The following DHRS4 variants were observed in gnomAD, a reference collection of about 807,000 sequenced individuals.
DHRS4 encodes the protein dehydrogenase/reductase 4, also known as dehydrogenase/reductase SDR family member 4.
DHRS4 carries 20 observed loss-of-function variants against 28.4 expected under a neutral mutation model. That is an observed-to-expected ratio of 0.71 (90% confidence interval 0.50 to 1.02). The LOEUF (loss-of-function observed/expected upper bound fraction) is 1.02, where lower values mean the gene tolerates loss of function less well. Ranked by LOEUF, DHRS4 falls within the 50% of genes least tolerant of loss-of-function variation. DHRS4 has a pLI of 0.00. For synonymous variants in DHRS4, 144 were observed against 146.4 expected (o/e 0.98, Z 0.12); for missense variants, 378 against 367.2 (o/e 1.03, Z -0.24).
intron 2 of DHRS4, among the ~76,000 whole-genome samples, chr14:23,957,412 T>G (rs1435579698): frequency 6.6e-6 from 1 of 151,948 alleles, no homozygotes; most frequent in Non-Finnish European, 1.5e-5. Flanking sequence ...CTCACTGGTG[T>G]TGTAAGTGGA....
intron 2 of DHRS4, among the ~76,000 whole-genome samples, chr14:23,956,751 C>A (rs535751039): frequency 1.4e-4 from 21 of 152,146 alleles, no homozygotes; most frequent in Middle Eastern, 3.4e-3. Flanking sequence ...TTACAGGCAT[C>A]CACCACCACG....
chr14:23,956,621 T>TTA (rs2033174861), intron 2 of DHRS4, among the ~76,000 whole-genome samples: 1 of 148,612 alleles, frequency 6.7e-6, no homozygotes, highest in African/African-American at 2.5e-5. Context: ...TTTTTTTTTT[T>TTA]GAGACAGAGT....
At position 23,955,132 on chromosome 14, in the gene DHRS4, C is replaced by G; in HGVS notation, c.226C>G (p.Leu76Val). Residue 76 changes from leucine (L) to valine (V), a missense_variant, in exon 2 of 8, where the codon CTG becomes GTG. Physicochemically the swap from Leu to Val is conservative, Grantham distance 32. Coordinates refer to ENST00000313250, the MANE Select transcript of DHRS4 (RefSeq NM_021004.4). ...QQNVDQAVAT[L>V]QGEGLSVTGT... ...GAATGTGGACCAGGCGGTGGCCACGCTGCAGGGGGAGGGGCTGAGCGTGAC... is the reference window on the plus strand; with the variant it reads ...GAATGTGGACCAGGCGGTGGCCACGGTGCAGGGGGAGGGGCTGAGCGTGAC... 6.2e-7 allele frequency: 1 copy of G among 1,613,996 alleles called. No individual in the cohort carries two copies. The highest frequency in any genetic ancestry group is 8.5e-7 in the Non-Finnish European group (1 of 1,179,898).
intron 3 of DHRS4, among the ~76,000 whole-genome samples, chr14:23,964,396 C>T (rs2033542134): frequency 1.4e-5 from 2 of 147,330 alleles, no homozygotes; most frequent in Non-Finnish European, 3.0e-5. Flanking sequence ...AACACACACA[C>T]ACATTTGGGG....
rs774730946 is a variant in DHRS4 at position 23,968,834 on chromosome 14, C to G, written c.800C>G (p.Thr267Arg). Reference sequence around the variant, plus strand: ...GATGCCAGCTACATCACTGGGGAAACAGTGGTGGTGGGTGGAGGAACCCCG... The same window carrying G: ...GATGCCAGCTACATCACTGGGGAAAGAGTGGTGGTGGGTGGAGGAACCCCG... ...SEDASYITGE[T>R]VVVGGGTPSR... is the part of the protein sequence containing the mutation. Residue 267 changes from threonine to arginine, a missense_variant, in exon 8 of 8, where the codon ACA becomes AGA. Physicochemically the swap from Thr to Arg is moderately conservative, Grantham distance 71 (BLOSUM62 -1). Transcript: ENST00000313250. 4 of 1,610,582 alleles carry G rather than the reference C, an allele frequency of 2.5e-6. No individual in the cohort carries two copies. Among genetic ancestry groups the G allele is most frequent in the Non-Finnish European group, 3.4e-6 (4 of 1,178,506 alleles).
intron 2 of DHRS4, 98 bp downstream of exon 2, chr14:23,955,310 G>A: frequency 6.8e-7 from 1 of 1,465,084 alleles, no homozygotes; most frequent in Non-Finnish European, 9.1e-7. Context: ...CATTTTTACT[G>A]TGTGCCTTTC....
In DHRS4 at chr14:23,968,926, C is replaced by T; in HGVS notation, c.*55C>T. 1.9e-6 allele frequency: 3 copies of T among 1,603,458 alleles called. No homozygotes were observed. The highest frequency in any genetic ancestry group is 2.6e-6 in the Non-Finnish European group (3 of 1,174,898). ...TGGGCTCTAGCTCCTGGTGCTGTTC[C>T]CGCATTCACCCACTGGCCTTTCCCA... On this transcript the variant is annotated 3_prime_UTR_variant, in exon 8 of 8. Transcript: ENST00000313250.
chr14:23,964,364 G>C (rs1189243863), intron 3 of DHRS4, among the ~76,000 whole-genome samples: 7 of 146,926 alleles, frequency 4.8e-5, no homozygotes, highest in African/African-American at 1.5e-4. Flanking sequence ...GCTGATCCTT[G>C]ATTGAACTCT....
intron 3 of DHRS4, among the ~76,000 whole-genome samples, chr14:23,964,211 T>G (rs2033522438): frequency 1.6e-5 from 1 of 62,684 alleles, no homozygotes; most frequent in Admixed American, 2.4e-4. Flanking sequence ...GCCACGAAAC[T>G]GCAATTTGTA....
chr14:23,960,305 CAG>C (rs2033365391), intron 3 of DHRS4, among the ~76,000 whole-genome samples: 1 of 152,070 alleles, frequency 6.6e-6, no homozygotes, highest in African/African-American at 2.4e-5. Flanking sequence ...TGATTTCCAA[CAG>C]AGACGTAGGC....
At chr14:23,956,453 G>A (rs114156090) in intron 2 of DHRS4, among the ~76,000 whole-genome samples, 2,243 of 152,274 alleles carry the variant, frequency 0.015, 66 homozygotes, top group African/African-American at 0.052. Flanking sequence ...TGAGGTTCCA[G>A]ATAACTCTGC....
In DHRS4 at chr14:23,953,905, C is replaced by G. The variant is rs773663123; in HGVS notation, c.117C>G (p.Ala39=). ...CAAATAAGGTGGCCCTGGTAACGGC[C>G]TCCACCGACGGGTGAGTGCTCCGGC... ...PLANKVALVT[A]STDGIGFAIA... The change falls in exon 1 of 8, where the codon GCC becomes GCG. Residue 39 remains alanine, a synonymous_variant. Coordinates refer to ENST00000313250, the MANE Select transcript of DHRS4 (RefSeq NM_021004.4). 4.4e-6 allele frequency: 7 copies of G among 1,595,094 alleles called. No individual in the cohort carries two copies. The Admixed American group carries it at 1.1e-4, about 24-fold the overall frequency.
At chr14:23,965,737 T>C in intron 3 of DHRS4, 25 bp from the exon 4 acceptor site, 1 of 1,577,118 alleles carries the variant, frequency 6.3e-7, no homozygotes, top group East Asian at 2.3e-5. Context: ...ACTCATGCTG[T>C]TTCCCCTTCT....
chr14:23,954,009 C>T, intron 1 of DHRS4, 93 bp downstream of exon 1: 1 of 1,506,150 alleles, frequency 6.6e-7, no homozygotes, highest in Non-Finnish European at 8.9e-7. Context: ...TGTCCTCAGA[C>T]CTTACACGCT....
chr14:23,955,308 C>T (rs1372217929), intron 2 of DHRS4, 96 bp downstream of exon 2: 5 of 1,467,122 alleles, frequency 3.4e-6, no homozygotes, highest in Non-Finnish European at 4.5e-6. Context: ...CACATTTTTA[C>T]TGTGTGCCTT....
intron 7 of DHRS4, 78 bp from the exon 8 acceptor site, chr14:23,968,679 T>G: frequency 1.3e-6 from 2 of 1,566,274 alleles, no homozygotes; most frequent in South Asian, 2.4e-5. Context: ...ATTAAGCAAA[T>G]TTAACTCCCT....
intron 1 of DHRS4, chr14:23,954,172 C>A: frequency 3.9e-6 from 2 of 508,962 alleles, no homozygotes; most frequent in Non-Finnish European, 6.9e-6. Context: ...GATCTAGTCT[C>A]CCCAGTGTTC....
intron 2 of DHRS4, among the ~76,000 whole-genome samples, chr14:23,959,193 T>C (rs144628904): frequency 2.0e-5 from 3 of 151,984 alleles, no homozygotes; most frequent in Non-Finnish European, 4.4e-5. Flanking sequence ...ATGAAGGAGC[T>C]TCCCAAAGGG....
intron 2 of DHRS4, among the ~76,000 whole-genome samples, chr14:23,957,819 A>T (rs1003319257): frequency 2.7e-5 from 4 of 149,416 alleles, no homozygotes; most frequent in Non-Finnish European, 4.4e-5. Context: ...CCAAAGTGCT[A>T]GGATTATAGG....
Sources: allele counts gnomAD v4.1 joint callset (sites outside exome capture counted in the v4.1 genomes callset), GRCh38; gene constraint gnomAD v4.1.1; transcripts MANE v1.5; gene names NCBI Gene and HGNC (gene_info 2026-07-23, HGNC 2026-07-21).